Variants in KLF8 observed in about 807,000 individuals in gnomAD.
KLF8 encodes KLF transcription factor 8.
Under a neutral mutation model 18.2 loss-of-function variants are expected in KLF8, and 10 were observed. The observed-to-expected ratio is 0.55, with a 90% CI of 0.34 to 0.93. The LOEUF is 0.93. KLF8 is among the 40% of genes least tolerant of loss of function. The pLI is 0.02. For missense variants in KLF8, 264 were observed against 277.9 expected (o/e 0.95, Z 0.36); for synonymous variants, 109 against 97.3 (o/e 1.12, Z -0.71).
chrX:56,056,077 C>T, the KLF8 span, among the ~76,000 whole-genome samples: 3 of 111,795 alleles, frequency 2.7e-5, no homozygotes, highest in African/African-American at 9.8e-5. Context: ...TTTCAGCCAT[C>T]AGCCCTGTTC....
chrX:56,211,625 T>C, the KLF8 span, among the ~76,000 whole-genome samples: 1 of 111,942 alleles, frequency 8.9e-6, no homozygotes, highest in Non-Finnish European at 1.9e-5. Flanking sequence ...GGCAATGAGG[T>C]CCCCAGGCCC....
At chrX:56,012,422 A>C in the KLF8 span, among the ~76,000 whole-genome samples, 2 of 112,170 alleles carry the variant, frequency 1.8e-5, no homozygotes, top group African/African-American at 3.2e-5. Context: ...TTCTCAGTAA[A>C]GTAAATATTG....
the KLF8 span, among the ~76,000 whole-genome samples, chrX:56,029,916 T>C: frequency 5.4e-5 from 6 of 111,845 alleles, no homozygotes; most frequent in Non-Finnish European, 3.8e-5. Flanking sequence ...GTTGCATCAC[T>C]GTTTACAAAT....
At chrX:56,269,242 C>A in intron 3 of KLF8, 136 bp from the exon 4 acceptor site, 1 of 1,044,886 alleles carries the variant, frequency 9.6e-7, no homozygotes, top group Non-Finnish European at 1.2e-6. Flanking sequence ...AAATACACTT[C>A]TTTCATCTTG....
Position 56,272,683 on chromosome X carries a change from C to T in KLF8, c.898+2362C>T, listed in dbSNP as rs1406944120. On this transcript the variant is annotated intron_variant, in intron 5 of 5. Transcript: ENST00000468660. The stretch of plus-strand genomic sequence containing the variant: ...TAGGCTTAGTTGCTTTAGGAAATAA[C>T]GTGGCATTTCTGTAAGTGCCCTCAT... Among the ~76,000 whole-genome samples, 20 of 111,169 alleles carry T rather than the reference C, an allele frequency of 1.8e-4. No individual in the cohort carries two copies. The Admixed American group carries it at 1.8e-3, about 10-fold the overall frequency.
chrX:56,158,326 T>C, the KLF8 span, among the ~76,000 whole-genome samples: 1 of 112,040 alleles, frequency 8.9e-6, no homozygotes, highest in Admixed American at 9.5e-5. Flanking sequence ...GGTAGTGTGA[T>C]GCCTCCAGCT....
the KLF8 span, among the ~76,000 whole-genome samples, chrX:55,965,046 C>A: frequency 9.0e-6 from 1 of 111,602 alleles, no homozygotes; most frequent in Non-Finnish European, 1.9e-5. Context: ...CTTCCTAATT[C>A]ATTCTATGAG....
chrX:56,134,943 C>T, the KLF8 span, among the ~76,000 whole-genome samples: 1 of 111,444 alleles, frequency 9.0e-6, no homozygotes, highest in Admixed American at 9.6e-5. Context: ...CAGGGAAGTG[C>T]AAATCAAAAC....
the KLF8 span, among the ~76,000 whole-genome samples, chrX:56,085,049 T>C: frequency 8.9e-6 from 1 of 111,741 alleles, no homozygotes; most frequent in Non-Finnish European, 1.9e-5. Flanking sequence ...GGTTTTGAAA[T>C]GATGATTTTA....
the KLF8 span, among the ~76,000 whole-genome samples, chrX:55,917,689 A>C: frequency 9.0e-6 from 1 of 111,525 alleles, no homozygotes; most frequent in African/African-American, 3.3e-5. Flanking sequence ...TAGTGGAAAA[A>C]GTACTCAAGC....
the KLF8 span, among the ~76,000 whole-genome samples, chrX:56,141,985 A>G: frequency 8.9e-6 from 1 of 111,790 alleles, no homozygotes; most frequent in African/African-American, 3.2e-5. Context: ...GCAAATCAAG[A>G]CTTCTGTGCC....
Position 56,265,169 on chromosome X carries a change from A to G in KLF8, c.82-11A>G, listed in dbSNP as rs770834210. On this transcript the variant is annotated splice_polypyrimidine_tract_variant and intron_variant, in intron 2 of 5. Transcript: ENST00000468660. The stretch of plus-strand genomic sequence containing the variant: ...TGACTTATGCATCTCTCATTTGTTT[A>G]TTTATTTAAGGTCACTGCTTCTGTT... The G allele has an allele frequency of 1.2e-5, 14 of 1,173,958 alleles. No homozygotes were observed. The South Asian group carries it at 2.5e-4, about 21-fold the overall frequency.
At chrX:56,132,117 C>T in the KLF8 span, among the ~76,000 whole-genome samples, 1 of 111,776 alleles carries the variant, frequency 8.9e-6, no homozygotes, top group East Asian at 2.8e-4. Flanking sequence ...TGGATTTAAA[C>T]TATGCCCTAC....
At chrX:56,025,650 C>T in the KLF8 span, among the ~76,000 whole-genome samples, 11 of 111,209 alleles carry the variant, frequency 9.9e-5, no homozygotes, top group Non-Finnish European at 1.1e-4. Flanking sequence ...GTTTGGGGAC[C>T]CCTCTTTCTT....
At chrX:55,965,898 C>A in the KLF8 span, among the ~76,000 whole-genome samples, 1 of 111,523 alleles carries the variant, frequency 9.0e-6, no homozygotes, top group Admixed American at 9.4e-5. Context: ...GCTCAGAGGG[C>A]AGCCCACTGA....
At chrX:55,918,866 CA>C in the KLF8 span, among the ~76,000 whole-genome samples, 2 of 111,612 alleles carry the variant, frequency 1.8e-5, no homozygotes, top group African/African-American at 6.5e-5. Context: ...ACTTTATTTT[CA>C]AATAATGTCA....
the KLF8 span, among the ~76,000 whole-genome samples, chrX:55,990,382 G>A: frequency 8.9e-6 from 1 of 112,245 alleles, no homozygotes; most frequent in Non-Finnish European, 1.9e-5. Flanking sequence ...ATGTGTCCCT[G>A]AGATTCTGGT....
chrX:55,986,620 C>T, the KLF8 span, among the ~76,000 whole-genome samples: 1 of 112,034 alleles, frequency 8.9e-6, no homozygotes, highest in Non-Finnish European at 1.9e-5. Flanking sequence ...TCCAATTGAC[C>T]ATCTTGACCT....
At chrX:56,268,715 C>T in intron 3 of KLF8, 1 of 780,373 alleles carries the variant, frequency 1.3e-6, no homozygotes, top group South Asian at 5.7e-5. Context: ...AGTTTCTTCT[C>T]TATAGAAATT....
Sources: allele counts gnomAD v4.1 joint callset (sites outside exome capture counted in the v4.1 genomes callset), GRCh38; gene constraint gnomAD v4.1.1; transcripts MANE v1.5; gene names NCBI Gene and HGNC (gene_info 2026-07-23, HGNC 2026-07-21).